NSG2: variants seen among roughly 807,000 people sequenced by gnomAD.
NSG2 encodes neuronal vesicle trafficking-associated protein 2.
In NSG2, 4 loss-of-function variants were observed where a neutral mutation model predicts 16.9. The ratio of observed to expected loss-of-function variants is 0.24; its 90% confidence interval spans 0.12 to 0.54. The LOEUF is 0.54. NSG2 is among the 20% of genes least tolerant of loss of function. The pLI, the probability that NSG2 is intolerant of heterozygous loss-of-function variation, is 0.95. For missense variants in NSG2, 179 were observed against 221.1 expected, an observed-to-expected ratio of 0.81 and a Z score of 1.21; for synonymous variants, 98 against 88.7, an observed-to-expected ratio of 1.11 and a Z score of -0.59.
At chr5:174,092,043 G>A (rs761447031) in intron 3 of NSG2, among the ~76,000 whole-genome samples, 1 of 152,196 alleles carries the variant, frequency 6.6e-6, no homozygotes, top group African/African-American at 2.4e-5. Context: ...ACATTGTCTT[G>A]TTCCAATGAC....
At chr5:174,087,756 C>T (rs1322699864) in intron 3 of NSG2, among the ~76,000 whole-genome samples, 2 of 151,534 alleles carry the variant, frequency 1.3e-5, no homozygotes, top group Non-Finnish European at 1.5e-5. Context: ...CCACTGCACT[C>T]CAGACTGGGT....
At chr5:174,059,629 G>C (rs1307246625) in intron 2 of NSG2, among the ~76,000 whole-genome samples, 1 of 152,148 alleles carries the variant, frequency 6.6e-6, no homozygotes, top group African/African-American at 2.4e-5. Flanking sequence ...CAAAGAGTAG[G>C]TATTTGCCCC....
chr5:174,091,039 C>CTTT (rs35022469), intron 3 of NSG2, among the ~76,000 whole-genome samples: 10 of 124,116 alleles, frequency 8.1e-5, no homozygotes, highest in Non-Finnish European at 1.2e-4. Flanking sequence ...CTTCTTCTTC[C>CTTT]TTTTTTTTTT....
chr5:174,107,882 T>C lies in NSG2; in HGVS notation c.*377T>C, dbSNP rs1194674509. On this transcript the variant is annotated 3_prime_UTR_variant, in exon 5 of 5. Coordinates refer to ENST00000303177, the MANE Select transcript of NSG2 (RefSeq NM_015980.5). This position sits in a 1 kb window ranked among gnomAD's most constrained non-coding sequence, Gnocchi z 4.5. Reference sequence around the variant, plus strand: ...ATTAAACTGGCTCCATCAGAAGACGTTGAAGGGCAGTGAAGAGCACAGACT... The same window carrying C: ...ATTAAACTGGCTCCATCAGAAGACGCTGAAGGGCAGTGAAGAGCACAGACT... 1.5e-5 allele frequency: 6 copies of C among 395,060 alleles called. No homozygotes were observed. Among genetic ancestry groups the C allele is most frequent in the East Asian group, 1.4e-4 (2 of 14,620 alleles). 24.5% of individuals were successfully genotyped at this position (395,060 alleles called of 1,614,324 possible). A position where few individuals can be genotyped will look rare whatever the true frequency, so the allele number is the denominator to read the frequency against.
chr5:174,079,769 G>A (rs56794443), intron 3 of NSG2, among the ~76,000 whole-genome samples: 20,346 of 152,010 alleles, frequency 0.13, 1,848 homozygotes, highest in African/African-American at 0.25. Flanking sequence ...TTTGTTTATG[G>A]TGTAACTGCT....
intron 2 of NSG2, among the ~76,000 whole-genome samples, chr5:174,061,892 T>G (rs1009723894): frequency 6.7e-6 from 1 of 149,962 alleles, no homozygotes; most frequent in Non-Finnish European, 1.5e-5. Flanking sequence ...CGGGAGCCAC[T>G]GTGCCGAGCC....
intron 3 of NSG2, among the ~76,000 whole-genome samples, chr5:174,089,219 C>T (rs566818915): frequency 7.8e-4 from 119 of 152,248 alleles, no homozygotes; most frequent in Non-Finnish European, 4.6e-4. Flanking sequence ...TCCCTAACTC[C>T]GAGGGGCAGC....
chr5:174,066,227 A>G (rs1259527306), intron 3 of NSG2: 2 of 456,278 alleles, frequency 4.4e-6, no homozygotes, highest in East Asian at 1.4e-4. Context: ...GCACAGGCCC[A>G]GTGAAAGTGG....
At chr5:174,106,848 C>T (rs1236962214) in intron 4 of NSG2, among the ~76,000 whole-genome samples, 1 of 152,032 alleles carries the variant, frequency 6.6e-6, no homozygotes, top group African/African-American at 2.4e-5. Flanking sequence ...CTGCCTCAGC[C>T]TCCCAAAGTG....
rs144265231 is a variant in NSG2 at position 174,083,231 on chromosome 5, C to G, written c.213+18916C>G. Among the ~76,000 whole-genome samples, 60 of 152,350 alleles carry G rather than the reference C, an allele frequency of 3.9e-4. No individual in the cohort carries two copies. In the East Asian group the frequency reaches 9.9e-3, roughly 25 times the overall value. On this transcript the variant is annotated intron_variant, in intron 3 of 4. Coordinates refer to ENST00000303177, the MANE Select transcript of NSG2 (RefSeq NM_015980.5). ...CCACGTATACGTCATCCCTGACTCC[C>G]ATGTGCCTGGCCCAGGGCCAGCGAA...
chr5:174,070,552 G>A (rs1176447885), intron 3 of NSG2, among the ~76,000 whole-genome samples: 1 of 152,012 alleles, frequency 6.6e-6, no homozygotes, highest in African/African-American at 2.4e-5. Context: ...ATTAATATTG[G>A]TTCTGGTCTG....
At position 174,107,436 on chromosome 5, in the gene NSG2, C is replaced by T. The variant is rs1239770256; in HGVS notation, c.447C>T (p.Ala149=). 2 of 1,612,934 alleles carry T rather than the reference C, an allele frequency of 1.2e-6. No individual in the cohort carries two copies. The highest frequency in any genetic ancestry group is 2.2e-5 in the South Asian group (2 of 91,002). The part of the protein sequence containing the change: ...YSVAKQSTAR[A]IGPWLSAAAV... ...TGGCCAAGCAGAGCACTGCCCGGGC[C>T]ATCGGGCCGTGGCTGTCAGCAGCCG... The change falls in exon 5 of 5, where the codon GCC becomes GCT. Residue 149 remains alanine (A), a synonymous_variant. Coordinates refer to ENST00000303177, the MANE Select transcript of NSG2 (RefSeq NM_015980.5). The surrounding 1 kb of genome is among the most constrained non-coding windows in gnomAD (Gnocchi z 4.5).
chr5:174,083,249 C>T (rs147802216), intron 3 of NSG2, among the ~76,000 whole-genome samples: 1 of 152,226 alleles, frequency 6.6e-6, no homozygotes, highest in African/African-American at 2.4e-5. Context: ...TGGCCCAGGG[C>T]CAGCGAAGGG....
chr5:174,093,211 T>A (rs915222126), intron 3 of NSG2, among the ~76,000 whole-genome samples: 1 of 152,060 alleles, frequency 6.6e-6, no homozygotes, highest in Admixed American at 6.5e-5. Flanking sequence ...CTTCATGGAG[T>A]TGCAGGGCCA....
chr5:174,101,622 C>T (rs1760897606), intron 3 of NSG2, among the ~76,000 whole-genome samples: 1 of 152,198 alleles, frequency 6.6e-6, no homozygotes, highest in African/African-American at 2.4e-5. Context: ...TGCAGCTGGT[C>T]CTTCATTCCC....
At position 174,066,257 on chromosome 5, in the gene NSG2, CAAGT is replaced by C. The variant is rs750551549; in HGVS notation, c.213+1944_213+1947del. The C allele has an allele frequency of 6.2e-4, 285 of 456,156 alleles. 2 individuals carry two copies. Among genetic ancestry groups the C allele is most frequent in the Admixed American group, 5.4e-4 (23 of 42,570 alleles). The allele number at this position is 456,156 out of a possible 1,614,324, so 28.3% of individuals were successfully genotyped here. On this transcript the variant is annotated intron_variant, in intron 3 of 4. Coordinates refer to ENST00000303177, the MANE Select transcript of NSG2 (RefSeq NM_015980.5). ...AAGTGGACCAAGACCCAGCTGCGTA[CAAGT>C]ACTTGCAGGAATAAGCAGGTACCTG...
intron 3 of NSG2, among the ~76,000 whole-genome samples, chr5:174,085,309 C>T (rs1039155469): frequency 4.6e-5 from 7 of 152,200 alleles, no homozygotes; most frequent in South Asian, 2.1e-4. Context: ...AGAGAGGTGG[C>T]GTCGTGTACT....
At chr5:174,050,871 G>A (rs145608415) in intron 2 of NSG2, among the ~76,000 whole-genome samples, 2,600 of 152,048 alleles carry the variant, frequency 0.017, 31 homozygotes, top group South Asian at 0.025. Flanking sequence ...ACTCACTGCC[G>A]CCAAGCCTCC....
chr5:174,063,259 A>G (rs185720495), intron 2 of NSG2, among the ~76,000 whole-genome samples: 147 of 152,340 alleles, frequency 9.6e-4, no homozygotes, highest in African/African-American at 3.5e-3. Context: ...GCACTTGGCA[A>G]TAGTTATTGA....
Sources: allele counts gnomAD v4.1 joint callset (sites outside exome capture counted in the v4.1 genomes callset), GRCh38; gene constraint gnomAD v4.1.1; non-coding constraint Gnocchi (gnomAD v3.1); transcripts MANE v1.5; gene names NCBI Gene and HGNC (gene_info 2026-07-23, HGNC 2026-07-21).